The following TBC1D21 variants were observed in gnomAD, a reference collection of about 807,000 sequenced individuals.
The protein encoded by TBC1D21 is TBC1 domain family member 21, also known as male germ cell Rab GTPase-activating protein.
Under a neutral mutation model 46.0 loss-of-function variants are expected in TBC1D21, and 38 were observed. The ratio of observed to expected loss-of-function variants is 0.83; its 90% CI spans 0.64 to 1.08. TBC1D21 has a LOEUF of 1.08. Ranked by LOEUF, TBC1D21 falls within the 50% of genes least tolerant of loss-of-function variation. TBC1D21 has a pLI of 0.00. For missense variants in TBC1D21, 415 were observed against 417.9 expected, an observed-to-expected ratio of 0.99 and a Z score of 0.06; for synonymous variants, 151 against 157.2, an observed-to-expected ratio of 0.96 and a Z score of 0.29.
At chr15:73,891,776 C>T (rs747066856), downstream of TBC1D21, among the ~76,000 whole-genome samples, 11 of 152,248 alleles carry the variant, frequency 7.2e-5, no homozygotes, top group Non-Finnish European at 1.2e-4. Context: ...AGCCCCATGC[C>T]TTCTTGGCCC....
chr15:73,876,212 T>TGG lies in TBC1D21; in HGVS notation c.60+2443_60+2444insGG, dbSNP rs1567062301. The stretch of plus-strand genomic sequence containing the variant: ...CTTTTTTTGTGGGTTTTTTTTTTTT[T>TGG]TTTTTTTTTTTTTTTTTTTTTTTTT... On this transcript the variant is annotated intron_variant, in intron 1 of 10. Transcript: ENST00000300504. Among the ~76,000 whole-genome samples the TGG allele has an allele frequency of 1.3e-3, 46 of 36,488 alleles. 3 individuals are homozygous for TGG. The South Asian group carries it at 0.041, about 33-fold the overall frequency. 23.9% of individuals were successfully genotyped at this position (36,488 alleles called of 152,430 possible). A position where few individuals can be genotyped will look rare whatever the true frequency, so the allele number is the denominator to read the frequency against.
At position 73,884,904 on chromosome 15, in the gene TBC1D21, C is replaced by T; in HGVS notation, c.478+13C>T. ...AACACGCAGGCAGGTGAGCCTCAGC[C>T]TCCCCTTGTCAATGCCCTCCCAGGA... On this transcript the variant is annotated intron_variant, in intron 5 of 10. Coordinates refer to ENST00000300504, the MANE Select transcript of TBC1D21 (RefSeq NM_153356.3). The T allele has an allele frequency of 6.2e-7, 1 of 1,613,052 alleles. No homozygotes were observed. The highest frequency in any genetic ancestry group is 8.5e-7 in the Non-Finnish European group (1 of 1,179,140).
downstream of TBC1D21, among the ~76,000 whole-genome samples, chr15:73,892,118 A>T (rs1316486082): frequency 6.6e-6 from 1 of 152,162 alleles, no homozygotes; most frequent in Admixed American, 6.5e-5. Context: ...AAGCCCATAA[A>T]AATCCCCAGA....
chr15:73,884,990 C>T lies in TBC1D21; in HGVS notation c.479-13C>T. 1 of 1,613,502 alleles carries T rather than the reference C, an allele frequency of 6.2e-7. No individual in the cohort carries two copies. The highest frequency in any genetic ancestry group is 8.5e-7 in the Non-Finnish European group (1 of 1,179,588). ...CACCCAGCCCCTCCTCCCCAACCCCCTCTTCGCCACAGAGTACCAGCAGGG... is the reference window on the plus strand; with the variant it reads ...CACCCAGCCCCTCCTCCCCAACCCCTTCTTCGCCACAGAGTACCAGCAGGG... On this transcript the variant is annotated splice_polypyrimidine_tract_variant and intron_variant, in intron 5 of 10. Transcript: ENST00000300504.
intron 3 of TBC1D21, among the ~76,000 whole-genome samples, chr15:73,882,301 T>C (rs2068170221): frequency 6.6e-6 from 1 of 152,106 alleles, no homozygotes; most frequent in African/African-American, 2.4e-5. Context: ...AACTTCCTGA[T>C]CCTAGCTCCA....
the TBC1D21 span, among the ~76,000 whole-genome samples, chr15:73,898,880 A>AAAATATATATAT: frequency 3.5e-5 from 2 of 56,804 alleles, no homozygotes; most frequent in Admixed American, 2.7e-4. Context: ...AAAAAAAAAA[A>AAAATATATATAT]ATATATATAT....
chr15:73,890,232 A>G (rs1166245547), downstream of TBC1D21, among the ~76,000 whole-genome samples: 1 of 152,142 alleles, frequency 6.6e-6, no homozygotes, highest in Non-Finnish European at 1.5e-5. Context: ...CTCCAAAGCC[A>G]TTATGTCCCC....
intron 4 of TBC1D21, 80 bp downstream of exon 4, chr15:73,884,325 G>C: frequency 7.7e-7 from 1 of 1,296,110 alleles, no homozygotes; most frequent in South Asian, 1.2e-5. Context: ...CACTTCCAGG[G>C]AGGGATGGCT....
chr15:73,887,066 C>G (rs2069320), intron 8 of TBC1D21, among the ~76,000 whole-genome samples: 25 of 152,286 alleles, frequency 1.6e-4, no homozygotes, highest in African/African-American at 6.0e-4. Flanking sequence ...TCAGGGCCAT[C>G]AGCAGATGAA....
At chr15:73,885,791 T>C (rs1187760375) in intron 6 of TBC1D21, among the ~76,000 whole-genome samples, 3 of 148,558 alleles carry the variant, frequency 2.0e-5, no homozygotes, top group African/African-American at 7.5e-5. Context: ...TGAGCCACAG[T>C]TGAGAATCTC....
chr15:73,905,018 GACAA>G, the TBC1D21 span, among the ~76,000 whole-genome samples: 16 of 152,196 alleles, frequency 1.1e-4, no homozygotes, highest in African/African-American at 3.6e-4. Flanking sequence ...ACTGGAGAGT[GACAA>G]ACAAAGACCG....
chr15:73,881,596 G>T (rs1454901982), intron 2 of TBC1D21, 48 bp from the exon 3 acceptor site: 2 of 1,603,470 alleles, frequency 1.2e-6, no homozygotes, highest in Non-Finnish European at 1.7e-6. Flanking sequence ...AGCCCTTTTG[G>T]TAGGCATCGA....
chr15:73,888,698 A>C (rs879380512), intron 10 of TBC1D21, among the ~76,000 whole-genome samples, 185 bp downstream of exon 10: 8,477 of 59,486 alleles, frequency 0.14, no homozygotes, highest in Middle Eastern at 0.25. Flanking sequence ...TCCTCCTCGT[A>C]CTCCTCCTCT....
At chr15:73,895,983 C>G in the TBC1D21 span, among the ~76,000 whole-genome samples, 1 of 151,918 alleles carries the variant, frequency 6.6e-6, no homozygotes, top group African/African-American at 2.4e-5. Context: ...TGGTGGAGGT[C>G]ATGGGAGAGG....
the TBC1D21 span, among the ~76,000 whole-genome samples, chr15:73,902,987 C>A: frequency 6.6e-6 from 1 of 152,218 alleles, no homozygotes; most frequent in Non-Finnish European, 1.5e-5. Flanking sequence ...TGGCTCAGAG[C>A]AACTCCATAA....
chr15:73,900,748 T>C, the TBC1D21 span, among the ~76,000 whole-genome samples: 1 of 152,252 alleles, frequency 6.6e-6, no homozygotes, highest in Non-Finnish European at 1.5e-5. Flanking sequence ...TTCAAGATGA[T>C]GCAGCTAATA....
intron 2 of TBC1D21, 51 bp downstream of exon 2, chr15:73,881,557 G>A: frequency 6.2e-7 from 1 of 1,600,178 alleles, no homozygotes; most frequent in Non-Finnish European, 8.6e-7. Flanking sequence ...GAGCATGGAT[G>A]GGCAGGGGGC....
chr15:73,875,076 G>C (rs1269060024), intron 1 of TBC1D21, among the ~76,000 whole-genome samples: 1 of 151,934 alleles, frequency 6.6e-6, no homozygotes, highest in East Asian at 1.9e-4. Context: ...GCAAAACCCT[G>C]TCTCTACTAA....
the TBC1D21 span, among the ~76,000 whole-genome samples, chr15:73,907,562 A>C: frequency 6.6e-6 from 1 of 152,168 alleles, no homozygotes; most frequent in Non-Finnish European, 1.5e-5. Context: ...ATTTTTGCTC[A>C]GGCTAATGTG....
Sources: gnomAD v4.1 joint callset for allele counts (sites outside exome capture counted in the v4.1 genomes callset) on GRCh38, gnomAD v4.1.1 for gene constraint, MANE v1.5 for transcripts, NCBI Gene and HGNC (gene_info 2026-07-23, HGNC 2026-07-21) for gene names.